The following RASGRP1 variants were observed in gnomAD, a reference collection of about 807,000 sequenced individuals.
RASGRP1 encodes RAS guanyl releasing protein 1, also known as RAS guanyl-releasing protein 1.
In RASGRP1, 37 loss-of-function variants were observed where a neutral mutation model predicts 95.1. That is an observed-to-expected ratio of 0.39 (90% confidence interval 0.30 to 0.51). The LOEUF is 0.51. Among genes scored for constraint, RASGRP1 ranks in the 20% least tolerant of loss-of-function variants. RASGRP1 has a pLI of 0.80. For missense variants in RASGRP1, 711 were observed against 965.4 expected (o/e 0.74, Z 3.49); for synonymous variants, 325 against 353.4 (o/e 0.92, Z 0.90).
intron 10 of RASGRP1, chr15:38,504,236 T>C (rs1208882239): frequency 6.6e-6 from 1 of 152,154 alleles, no homozygotes; most frequent in Admixed American, 6.5e-5. Flanking sequence ...TTATAAATAC[T>C]GTACACTTAG....
Position 38,502,384 on chromosome 15 carries a change from T to G in RASGRP1, c.1466A>C (p.Tyr489Ser). The G allele has an allele frequency of 6.2e-7, 1 of 1,606,498 alleles. No homozygotes were observed. The highest frequency in any genetic ancestry group is 8.5e-7 in the Non-Finnish European group (1 of 1,173,172). Reference protein sequence around the residue: ...FKNYDHDQDGYISQEEFEKIA... With the variant: ...FKNYDHDQDGSISQEEFEKIA... ...CTTTTCAAATTCTTCCTGAGAAATG[T>G]ATCCATCCTGGTCGTGATCATAGTT... Residue 489 changes from tyrosine to serine, a missense_variant, in exon 12 of 17, where the codon TAC becomes TCC. Transcript: ENST00000310803.
At chr15:38,561,059 A>C (rs1893789434) in intron 1 of RASGRP1, among the ~76,000 whole-genome samples, 1 of 152,206 alleles carries the variant, frequency 6.6e-6, no homozygotes, top group Admixed American at 6.5e-5. Context: ...CATTTAGTTA[A>C]TTCTCCTCTC....
rs969111113 is a variant in RASGRP1, at chr15:38,488,352, G to A, written c.*2202C>T. ...AAATACCTGGCCAAACTAAAGTCGT[G>A]TGAGATGCAGAAATTTACACTAGGC... On this transcript the variant is annotated 3_prime_UTR_variant, in exon 17 of 17. Transcript: ENST00000310803. 1 of 150,750 alleles carries A rather than the reference G, an allele frequency of 6.6e-6. No individual in the cohort carries two copies. The highest frequency in any genetic ancestry group is 2.4e-5 in the African/African-American group (1 of 41,058). 9.3% of individuals were successfully genotyped at this position (150,750 alleles called of 1,614,324 possible). A position where few individuals can be genotyped will look rare whatever the true frequency, so the allele number is the denominator to read the frequency against.
chr15:38,547,819 C>T (rs1337627187), intron 2 of RASGRP1, among the ~76,000 whole-genome samples: 1 of 152,098 alleles, frequency 6.6e-6, no homozygotes, highest in African/African-American at 2.4e-5. Context: ...AGCTGTGGCA[C>T]AGTCATGACA....
chr15:38,509,423 T>C (rs1891406499), intron 8 of RASGRP1, among the ~76,000 whole-genome samples: 1 of 152,192 alleles, frequency 6.6e-6, no homozygotes, highest in South Asian at 2.1e-4. Flanking sequence ...CAGCACAGCA[T>C]GCATTTTAAA....
intron 2 of RASGRP1, among the ~76,000 whole-genome samples, chr15:38,527,469 G>T (rs761637655): frequency 6.6e-6 from 1 of 152,174 alleles, no homozygotes; most frequent in Non-Finnish European, 1.5e-5. Context: ...GGCCCCAAGG[G>T]TGGTAATGAC....
Position 38,494,933 on chromosome 15 carries a change from G to A in RASGRP1, c.1874-166C>T, listed in dbSNP as rs375237736. 3.0e-4 allele frequency among the ~76,000 whole-genome samples: 46 copies of A among 152,256 alleles called. 1 individual carries two copies. In the East Asian group the frequency reaches 4.4e-3, roughly 15 times the overall value. On this transcript the variant is annotated intron_variant, in intron 15 of 16. Transcript: ENST00000310803. ...TTTAGGGGGTGAGGGCTAAATCCAG[G>A]GGCTTTGGCCAAGACATGGCCACTG...
At position 38,501,296 on chromosome 15, in the gene RASGRP1, AG is replaced by A; in HGVS notation, c.1539-10del. On this transcript the variant is annotated splice_polypyrimidine_tract_variant and intron_variant, in intron 12 of 16. Coordinates refer to ENST00000310803, the MANE Select transcript of RASGRP1 (RefSeq NM_005739.4). The stretch of plus-strand genomic sequence containing the variant: ...TGCTGATGAGGCCTTCCCTGCCGGC[AG>A]ATGACCAAGGCAAGGATGTGAGTAT... 1.9e-6 allele frequency: 3 copies of A among 1,613,312 alleles called. No individual in the cohort carries two copies. The highest frequency in any genetic ancestry group is 1.7e-6 in the Non-Finnish European group (2 of 1,179,390).
Position 38,488,959 on chromosome 15 carries a change from C to A in RASGRP1, c.*1595G>T, listed in dbSNP as rs1304772315. The A allele has an allele frequency of 6.6e-6, 1 of 151,966 alleles. No individual in the cohort carries two copies. The highest frequency in any genetic ancestry group is 1.5e-5 in the Non-Finnish European group (1 of 67,892). The allele number at this position is 151,966 out of a possible 1,614,324, so 9.4% of individuals were successfully genotyped here. A position where few individuals can be genotyped will look rare whatever the true frequency, so the allele number is the denominator to read the frequency against. ...TCTTTATAATGTAATGAAACACTAA[C>A]TACAAGCTAGTTCTATATCACTAAA... On this transcript the variant is annotated 3_prime_UTR_variant, in exon 17 of 17. Coordinates refer to ENST00000310803, the MANE Select transcript of RASGRP1 (RefSeq NM_005739.4).
chr15:38,506,021 T>C lies in RASGRP1; in HGVS notation c.1243-101A>G, dbSNP rs150272151. 1.4e-3 allele frequency: 1,289 copies of C among 912,540 alleles called. 13 individuals are homozygous for C. The African/African-American group carries it at 0.019, about 13-fold the overall frequency. 56.5% of individuals were successfully genotyped at this position (912,540 alleles called of 1,614,324 possible). ...ATTTTCCTTGCCAGTAGTTTACTCT[T>C]TTAGGTTCTAAACAGTTTGTTTTTA... On this transcript the variant is annotated intron_variant, in intron 9 of 16. Transcript: ENST00000310803.
intron 2 of RASGRP1, among the ~76,000 whole-genome samples, chr15:38,552,781 T>C (rs558026958): frequency 7.3e-4 from 111 of 152,186 alleles, no homozygotes; most frequent in Non-Finnish European, 8.4e-4. Flanking sequence ...TTCCTGAAAA[T>C]TTAACAATCT....
rs1337060121 is a variant in RASGRP1, at chr15:38,526,420, G to A, written c.221-16C>T. ...CCATCTGCATCTGAAAATATAAAGAGCAGCACCTGAGTTAGGCCCTGGAGG... is the reference window on the plus strand; with the variant it reads ...CCATCTGCATCTGAAAATATAAAGAACAGCACCTGAGTTAGGCCCTGGAGG... On this transcript the variant is annotated splice_polypyrimidine_tract_variant and intron_variant, in intron 2 of 16. Transcript: ENST00000310803. 9 of 1,605,340 alleles carry A rather than the reference G, an allele frequency of 5.6e-6. No individual in the cohort carries two copies. Among genetic ancestry groups the A allele is most frequent in the Non-Finnish European group, 6.0e-6 (7 of 1,172,926 alleles).
At chr15:38,501,104 C>G in intron 13 of RASGRP1, 39 bp downstream of exon 13, 1 of 1,550,418 alleles carries the variant, frequency 6.4e-7, no homozygotes, top group African/African-American at 1.4e-5. Context: ...CCACACTCTT[C>G]CCCAAATTCA....
chr15:38,521,710 A>G (rs1892008912), intron 3 of RASGRP1, among the ~76,000 whole-genome samples: 1 of 152,174 alleles, frequency 6.6e-6, no homozygotes, highest in Admixed American at 6.5e-5. Context: ...CTTCATAGCT[A>G]GTACTGTGGC....
intron 2 of RASGRP1, among the ~76,000 whole-genome samples, chr15:38,543,587 T>G (rs1253971277): frequency 1.4e-5 from 2 of 147,740 alleles, no homozygotes; most frequent in Admixed American, 6.7e-5. Context: ...TTTTTCAGCA[T>G]TTTCTCTCTG....
In RASGRP1 at chr15:38,494,644, C is replaced by A; in HGVS notation, c.1997G>T (p.Arg666Met). The A allele has an allele frequency of 6.4e-7, 1 of 1,552,850 alleles. No individual in the cohort carries two copies. Among genetic ancestry groups the A allele is most frequent in the Non-Finnish European group, 8.7e-7 (1 of 1,155,414 alleles). Residue 666 changes from arginine to methionine, a missense_variant, in exon 16 of 17, where the codon AGG becomes ATG. By Grantham distance (91) the Arg-to-Met change is moderately conservative. This residue lies in a region of RASGRP1 where 212 missense variants were observed against 247.8 expected (regional missense o/e 0.86). Coordinates refer to ENST00000310803, the MANE Select transcript of RASGRP1 (RefSeq NM_005739.4). Reference sequence around the variant, plus strand: ...CTGGGTGGCCTTGTGGGCAACAGCCCTCTTCAGCCGAAGAGAAATCTTCTG... The same window carrying A: ...CTGGGTGGCCTTGTGGGCAACAGCCATCTTCAGCCGAAGAGAAATCTTCTG... ...SSQKISLRLK[R>M]AVAHKATQTE...
chr15:38,494,636 C>T lies in RASGRP1; in HGVS notation c.2005G>A (p.Ala669Thr), dbSNP rs1439484414. 3 of 1,556,150 alleles carry T rather than the reference C, an allele frequency of 1.9e-6. No individual in the cohort carries two copies. The highest frequency in any genetic ancestry group is 2.6e-6 in the Non-Finnish European group (3 of 1,156,772). The change falls in exon 16 of 17, where the codon GCC (alanine) becomes ACC (threonine). Residue 669 changes from alanine (A) to threonine (T), a missense_variant. Physicochemically the swap from Ala to Thr is moderately conservative, Grantham distance 58. Around this residue, in one of 3 missense-constraint regions of RASGRP1, gnomAD observed 212 missense variants for 247.8 expected, o/e 0.86. Transcript: ENST00000310803. ...GATTCAGTCTGGGTGGCCTTGTGGG[C>T]AACAGCCCTCTTCAGCCGAAGAGAA... ...KISLRLKRAV[A>T]HKATQTESQP...
intron 6 of RASGRP1, among the ~76,000 whole-genome samples, chr15:38,515,762 C>T (rs145513956): frequency 5.7e-4 from 86 of 150,756 alleles, no homozygotes; most frequent in African/African-American, 2.1e-3. Context: ...AGGACATATC[C>T]TCTCCCCGCC....
intron 2 of RASGRP1, among the ~76,000 whole-genome samples, chr15:38,542,950 T>C (rs552397551): frequency 1.8e-3 from 269 of 147,848 alleles, no homozygotes; most frequent in Non-Finnish European, 3.1e-3. Context: ...TATATATATA[T>C]ACACACATAC....
Sources: allele counts gnomAD v4.1 joint callset (sites outside exome capture counted in the v4.1 genomes callset), GRCh38; gene constraint gnomAD v4.1.1; regional missense constraint gnomAD v4.1.1; transcripts MANE v1.5; gene names NCBI Gene and HGNC (gene_info 2026-07-23, HGNC 2026-07-21).